The following ARHGAP15 variants were observed in gnomAD, a reference collection of about 807,000 sequenced individuals.
ARHGAP15 encodes the protein Rho GTPase activating protein 15.
ARHGAP15 carries 51 observed loss-of-function variants against 63.7 expected under a neutral mutation model. That is an observed-to-expected ratio of 0.80 (90% CI 0.64 to 1.01). ARHGAP15 has a LOEUF of 1.01. Ranked by LOEUF, ARHGAP15 falls within the 50% of genes least tolerant of loss-of-function variation. The pLI is 0.00. For synonymous variants in ARHGAP15, 191 were observed against 193.8 expected, an observed-to-expected ratio of 0.99 and a Z score of 0.12; for missense variants, 560 against 564.6, an observed-to-expected ratio of 0.99 and a Z score of 0.08.
intron 12 of ARHGAP15, among the ~76,000 whole-genome samples, chr2:143,629,099 A>G (rs887729999): frequency 3.9e-5 from 6 of 152,078 alleles, no homozygotes; most frequent in Non-Finnish European, 5.9e-5. Flanking sequence ...AATTACTTTA[A>G]TTTTTATTAT....
chr2:143,277,217 A>G (rs1681603830), intron 6 of ARHGAP15, among the ~76,000 whole-genome samples: 1 of 152,158 alleles, frequency 6.6e-6, no homozygotes, highest in Admixed American at 6.5e-5. Context: ...TCAAACAACA[A>G]GAAATAAAGT....
intron 12 of ARHGAP15, among the ~76,000 whole-genome samples, chr2:143,700,813 C>A (rs994147335): frequency 6.6e-6 from 1 of 151,934 alleles, no homozygotes; most frequent in African/African-American, 2.4e-5. Flanking sequence ...GCATACTATG[C>A]CAATTTCACT....
chr2:143,336,888 G>T (rs1408839575), intron 6 of ARHGAP15, among the ~76,000 whole-genome samples: 2 of 152,106 alleles, frequency 1.3e-5, no homozygotes, highest in East Asian at 3.8e-4. Context: ...TTTGTGCCAG[G>T]CCCTAGGCTG....
At chr2:143,282,339 A>T (rs1349576179) in intron 6 of ARHGAP15, among the ~76,000 whole-genome samples, 1 of 152,102 alleles carries the variant, frequency 6.6e-6, no homozygotes, top group East Asian at 1.9e-4. Context: ...AGACATACCC[A>T]AGACTGGGTA....
At chr2:143,202,247 A>G in intron 3 of ARHGAP15, 45 bp downstream of exon 3, 1 of 1,503,550 alleles carries the variant, frequency 6.7e-7, no homozygotes, top group Non-Finnish European at 9.3e-7. Context: ...GATACAAAAT[A>G]AATTGCCACA....
At chr2:143,691,288 G>A (rs575705811) in intron 12 of ARHGAP15, among the ~76,000 whole-genome samples, 2 of 152,270 alleles carry the variant, frequency 1.3e-5, no homozygotes, top group East Asian at 1.9e-4. Context: ...CAGTAAGCAG[G>A]AAATGGGGTG....
At chr2:143,437,214 C>A in intron 8 of ARHGAP15, 172 bp downstream of exon 8, 1 of 648,654 alleles carries the variant, frequency 1.5e-6, no homozygotes, top group Non-Finnish European at 2.5e-6. Context: ...ACTTTGCTCA[C>A]ATCATTGTTG....
At chr2:143,348,207 A>T (rs1019712703) in intron 6 of ARHGAP15, among the ~76,000 whole-genome samples, 2 of 152,190 alleles carry the variant, frequency 1.3e-5, no homozygotes, top group Non-Finnish European at 2.9e-5. Flanking sequence ...CATACTCACA[A>T]TGCCTCAAAA....
intron 6 of ARHGAP15, among the ~76,000 whole-genome samples, chr2:143,420,267 G>C (rs917697562): frequency 6.6e-5 from 10 of 152,034 alleles, no homozygotes. Context: ...TGCAAATTTT[G>C]GAAAATAATG....
At chr2:143,657,454 C>T (rs1324309535) in intron 12 of ARHGAP15, among the ~76,000 whole-genome samples, 2 of 152,202 alleles carry the variant, frequency 1.3e-5, no homozygotes, top group Non-Finnish European at 2.9e-5. Flanking sequence ...TAGTATGTCG[C>T]TGATGTACAC....
intron 2 of ARHGAP15, among the ~76,000 whole-genome samples, chr2:143,166,246 C>CTA (rs1471377060): frequency 2.0e-5 from 3 of 151,972 alleles, no homozygotes; most frequent in Non-Finnish European, 4.4e-5. Flanking sequence ...TTTATAGATC[C>CTA]TAGGAAATTT....
intron 6 of ARHGAP15, among the ~76,000 whole-genome samples, chr2:143,377,862 A>T (rs1038198543): frequency 2.6e-5 from 4 of 152,088 alleles, no homozygotes; most frequent in Non-Finnish European, 4.4e-5. Context: ...ATGTTTATAA[A>T]TAGGCTTTTT....
At chr2:143,329,719 T>C (rs1684420414) in intron 6 of ARHGAP15, among the ~76,000 whole-genome samples, 1 of 152,126 alleles carries the variant, frequency 6.6e-6, no homozygotes, top group South Asian at 2.1e-4. Flanking sequence ...ATAAAACTTG[T>C]CAATTTATGT....
At chr2:143,634,800 C>T (rs895445167) in intron 12 of ARHGAP15, among the ~76,000 whole-genome samples, 2 of 152,092 alleles carry the variant, frequency 1.3e-5, no homozygotes, top group African/African-American at 4.8e-5. Context: ...TTTGTTCTGC[C>T]AGATGTTCTC....
At chr2:143,496,289 T>TTA (rs1177576900) in intron 9 of ARHGAP15, among the ~76,000 whole-genome samples, 1 of 152,084 alleles carries the variant, frequency 6.6e-6, no homozygotes, top group Non-Finnish European at 1.5e-5. Context: ...GGGTAGCAGG[T>TTA]TAAGCCCATG....
intron 13 of ARHGAP15, among the ~76,000 whole-genome samples, chr2:143,767,256 G>A (rs1331424713): frequency 6.6e-6 from 1 of 152,050 alleles, no homozygotes; most frequent in Non-Finnish European, 1.5e-5. Flanking sequence ...TAGGAGTCCT[G>A]TGTTGGAACA....
intron 13 of ARHGAP15, among the ~76,000 whole-genome samples, chr2:143,715,651 C>A (rs1457107622): frequency 6.6e-6 from 1 of 152,162 alleles, no homozygotes; most frequent in Non-Finnish European, 1.5e-5. Context: ...ATTGCAAAAA[C>A]TTTCTCCCAT....
Position 143,369,761 on chromosome 2 carries a change from A to G in ARHGAP15, c.475-65840A>G, listed in dbSNP as rs1469823059. Among the ~76,000 whole-genome samples, 11 of 152,242 alleles carry G rather than the reference A, an allele frequency of 7.2e-5. No homozygotes were observed. The South Asian group carries it at 1.7e-3, about 23-fold the overall frequency. ...TTCTACCAGGCACTTTGCAGAGAAT[A>G]TTTTATGTAATACAACAACTTTTCA... On this transcript the variant is annotated intron_variant, in intron 6 of 13. Transcript: ENST00000295095.
At chr2:143,393,327 C>A (rs1687614351) in intron 6 of ARHGAP15, among the ~76,000 whole-genome samples, 1 of 152,066 alleles carries the variant, frequency 6.6e-6, no homozygotes, top group Non-Finnish European at 1.5e-5. Flanking sequence ...ACTAGATAGA[C>A]ATCATTATTA....
Sources: allele counts gnomAD v4.1 joint callset (sites outside exome capture counted in the v4.1 genomes callset), GRCh38; gene constraint gnomAD v4.1.1; transcripts MANE v1.5; gene names NCBI Gene and HGNC (gene_info 2026-07-23, HGNC 2026-07-21).